The following NRG1 variants were observed in gnomAD, a reference collection of about 807,000 sequenced individuals.
The protein encoded by NRG1 is neuregulin 1.
NRG1 carries 18 observed loss-of-function variants against 63.8 expected under a neutral mutation model. The observed-to-expected ratio is 0.28, with a 90% CI of 0.19 to 0.42. The LOEUF (loss-of-function observed/expected upper bound fraction) is 0.42. Ranked by LOEUF, NRG1 falls within the 10% of genes least tolerant of loss-of-function variation. The pLI is 1.00. For synonymous variants in NRG1, 302 were observed against 301.3 expected, an observed-to-expected ratio of 1.00 and a Z score of -0.02; for missense variants, 762 against 814.7, an observed-to-expected ratio of 0.94 and a Z score of 0.79.
At chr8:32,040,946 C>G (rs1424253179) in intron 1 of NRG1, among the ~76,000 whole-genome samples, 2 of 150,694 alleles carry the variant, frequency 1.3e-5, no homozygotes, top group Non-Finnish European at 3.0e-5. Flanking sequence ...AAAACCGGAG[C>G]CTTAAAAATT....
At chr8:32,428,582 C>G (rs1817718271) in intron 1 of NRG1, among the ~76,000 whole-genome samples, 1 of 152,128 alleles carries the variant, frequency 6.6e-6, no homozygotes, top group African/African-American at 2.4e-5. Context: ...GGAGGACACC[C>G]TTGGCCAAAA....
intron 1 of NRG1, among the ~76,000 whole-genome samples, chr8:32,482,394 A>T: frequency 1.9e-5 from 1 of 53,370 alleles, no homozygotes; most frequent in African/African-American, 7.9e-5. Context: ...CTTTCTTTCT[A>T]CTTTTGTGTG....
chr8:32,245,115 A>G (rs1474323526), intron 1 of NRG1, among the ~76,000 whole-genome samples: 1 of 152,160 alleles, frequency 6.6e-6, no homozygotes, highest in Non-Finnish European at 1.5e-5. Context: ...TGTGCAGGGA[A>G]AAGTCTGGCC....
intron 1 of NRG1, among the ~76,000 whole-genome samples, chr8:32,452,920 C>A (rs1474437681): frequency 6.6e-6 from 1 of 152,158 alleles, no homozygotes; most frequent in African/African-American, 2.4e-5. Flanking sequence ...CCATAGCAAT[C>A]TTTTCTTGAG....
At chr8:31,887,234 G>C (rs966577492) in intron 1 of NRG1, among the ~76,000 whole-genome samples, 1 of 152,002 alleles carries the variant, frequency 6.6e-6, no homozygotes, top group Non-Finnish European at 1.5e-5. Context: ...CCAACAATTT[G>C]TGAGATAGAA....
chr8:32,132,790 C>G (rs1835009129), intron 1 of NRG1, among the ~76,000 whole-genome samples: 1 of 152,100 alleles, frequency 6.6e-6, no homozygotes, highest in South Asian at 2.1e-4. Context: ...AGAGAATTCG[C>G]TTCCTGTTTT....
intron 1 of NRG1, chr8:32,026,226 T>G (rs1817354463): frequency 6.6e-6 from 1 of 151,758 alleles, no homozygotes; most frequent in South Asian, 2.1e-4. Context: ...CTGTGCAATC[T>G]CTATGGTAAC....
intron 5 of NRG1, among the ~76,000 whole-genome samples, chr8:32,666,700 G>A (rs1348418926): frequency 6.6e-6 from 1 of 152,168 alleles, no homozygotes; most frequent in Non-Finnish European, 1.5e-5. Flanking sequence ...AGTGTCAGAT[G>A]TGTTCACATT....
At chr8:32,503,288 G>GAAA (rs60857610) in intron 1 of NRG1, among the ~76,000 whole-genome samples, 20 of 54,858 alleles carry the variant, frequency 3.6e-4, no homozygotes, top group Non-Finnish European at 4.4e-4. Context: ...CTCTGTCTCA[G>GAAA]AAAAAAAAAA....
chr8:31,840,538 G>A (rs1406662842), intron 1 of NRG1, among the ~76,000 whole-genome samples: 3 of 152,012 alleles, frequency 2.0e-5, no homozygotes, highest in Admixed American at 1.3e-4. Context: ...GTAGTAAACA[G>A]GAAATCTTAC....
intron 1 of NRG1, among the ~76,000 whole-genome samples, chr8:32,570,036 T>C (rs1838241574): frequency 6.6e-6 from 1 of 151,444 alleles, no homozygotes; most frequent in South Asian, 2.1e-4. Flanking sequence ...GCCTCCTGAG[T>C]AGCTGGGATT....
At chr8:32,689,253 CA>C (rs1028161609) in intron 5 of NRG1, among the ~76,000 whole-genome samples, 2 of 149,388 alleles carry the variant, frequency 1.3e-5, no homozygotes, top group Non-Finnish European at 1.5e-5. Context: ...CAGTGTTCAG[CA>C]GTTTGTAGAT....
intron 1 of NRG1, among the ~76,000 whole-genome samples, chr8:31,667,142 T>C (rs949006597): frequency 3.9e-5 from 6 of 152,300 alleles, no homozygotes; most frequent in Admixed American, 6.5e-5. Flanking sequence ...CAGTTGATGA[T>C]TGTTATTCTT....
chr8:32,362,582 T>C (rs1484282272), intron 1 of NRG1, among the ~76,000 whole-genome samples: 2 of 152,204 alleles, frequency 1.3e-5, no homozygotes, highest in Admixed American at 1.3e-4. Flanking sequence ...ACATTCTGGA[T>C]GCATGATGAG....
chr8:32,131,580 T>C (rs2131631965), intron 1 of NRG1, among the ~76,000 whole-genome samples: 1 of 152,154 alleles, frequency 6.6e-6, no homozygotes, highest in South Asian at 2.1e-4. Flanking sequence ...TACAAACCTG[T>C]GGCTAATTAT....
intron 1 of NRG1, among the ~76,000 whole-genome samples, chr8:32,041,613 C>G (rs997753158): frequency 1.3e-5 from 2 of 152,098 alleles, no homozygotes; most frequent in Non-Finnish European, 2.9e-5. Flanking sequence ...CTGAGGGTCC[C>G]CAGGTTTCTA....
At chr8:32,616,365 A>G (rs1294516763) in intron 4 of NRG1, among the ~76,000 whole-genome samples, 3 of 152,152 alleles carry the variant, frequency 2.0e-5, no homozygotes, top group Non-Finnish European at 4.4e-5. Context: ...CCGGATGTTT[A>G]TGCAGATCCA....
intron 1 of NRG1, among the ~76,000 whole-genome samples, chr8:32,166,329 T>C (rs182166293): frequency 1.3e-5 from 2 of 152,320 alleles, no homozygotes; most frequent in East Asian, 1.9e-4. Flanking sequence ...GGTTAGACAG[T>C]GGCCATAGTG....
At chr8:32,055,762 C>T (rs1822822774) in intron 1 of NRG1, among the ~76,000 whole-genome samples, 1 of 151,506 alleles carries the variant, frequency 6.6e-6, no homozygotes, top group Admixed American at 6.6e-5. Context: ...GAGGTATACT[C>T]AGAGACTGGA....
Sources: gnomAD v4.1 joint callset for allele counts (sites outside exome capture counted in the v4.1 genomes callset) on GRCh38, gnomAD v4.1.1 for gene constraint, MANE v1.5 for transcripts, NCBI Gene and HGNC (gene_info 2026-07-23, HGNC 2026-07-21) for gene names.